Variants in LRRC28 observed in about 807,000 individuals in gnomAD.
LRRC28 encodes leucine rich repeat containing 28, also known as leucine-rich repeat-containing protein 28.
A neutral mutation model predicts 45.7 loss-of-function variants in LRRC28; 39 were observed. The ratio of observed to expected loss-of-function variants is 0.85; its 90% CI spans 0.66 to 1.12. The LOEUF is 1.12. Ranked by LOEUF, LRRC28 falls within the 50% of genes most tolerant of loss-of-function variation. The pLI, the probability that LRRC28 is intolerant of heterozygous loss-of-function variation, is 0.00. For missense variants in LRRC28, 435 were observed against 438.5 expected, an observed-to-expected ratio of 0.99 and a Z score of 0.07; for synonymous variants, 206 against 178.8, an observed-to-expected ratio of 1.15 and a Z score of -1.22.
chr15:99,331,159 T>C (rs1003297819), intron 5 of LRRC28, among the ~76,000 whole-genome samples: 1 of 152,218 alleles, frequency 6.6e-6, no homozygotes, highest in Non-Finnish European at 1.5e-5. Context: ...AAAACACTTT[T>C]TTGCACATTT....
intron 2 of LRRC28, among the ~76,000 whole-genome samples, chr15:99,264,324 A>G (rs1323353275): frequency 6.6e-6 from 1 of 152,228 alleles, no homozygotes; most frequent in South Asian, 2.1e-4. Flanking sequence ...AAGGAAAGGA[A>G]TGTGGAACAG....
chr15:99,382,242 C>A (rs2152561353), intron 9 of LRRC28, among the ~76,000 whole-genome samples: 1 of 152,344 alleles, frequency 6.6e-6, no homozygotes, highest in African/African-American at 2.4e-5. Context: ...GGGTGCCCCT[C>A]CCCCAGCCTC....
At chr15:99,320,378 T>C (rs1469821341) in intron 5 of LRRC28, among the ~76,000 whole-genome samples, 1 of 152,104 alleles carries the variant, frequency 6.6e-6, no homozygotes, top group African/African-American at 2.4e-5. Flanking sequence ...ATATGGACAG[T>C]TGTGTCCTAT....
intron 1 of LRRC28, among the ~76,000 whole-genome samples, chr15:99,252,646 A>G (rs1489268651): frequency 6.6e-6 from 1 of 152,250 alleles, no homozygotes; most frequent in Non-Finnish European, 1.5e-5. Flanking sequence ...TGTAAAGATT[A>G]GACATCCTTG....
intron 2 of LRRC28, among the ~76,000 whole-genome samples, chr15:99,275,787 T>G (rs939567417): frequency 3.3e-5 from 5 of 152,190 alleles, no homozygotes. Context: ...TCTCTGTGTC[T>G]GTGAAGCACA....
chr15:99,266,371 T>C (rs2081332562), intron 2 of LRRC28, among the ~76,000 whole-genome samples: 1 of 151,960 alleles, frequency 6.6e-6, no homozygotes, highest in Admixed American at 6.5e-5. Flanking sequence ...GATGAACACC[T>C]AGCCAGGCAT....
In LRRC28 at chr15:99,389,622, CTCTT is replaced by C. The variant is rs1185852293; in HGVS notation, c.*3522_*3525del. 1.3e-5 allele frequency: 2 copies of C among 152,152 alleles called. No individual in the cohort carries two copies. Among genetic ancestry groups the C allele is most frequent in the African/African-American group, 2.4e-5 (1 of 41,426 alleles). The allele number at this position is 152,152 out of a possible 1,614,324, so 9.4% of individuals were successfully genotyped here. A position where few individuals can be genotyped will look rare whatever the true frequency, so the allele number is the denominator to read the frequency against. ...CATTTCACAGACTCATAAACACACT[CTCTT>C]TAAGACTCTTCTTTAAATGGATCCT... On this transcript the variant is annotated 3_prime_UTR_variant, in exon 10 of 10. Coordinates refer to ENST00000301981, the MANE Select transcript of LRRC28 (RefSeq NM_144598.5).
chr15:99,252,655 T>A (rs1216415457), intron 1 of LRRC28, among the ~76,000 whole-genome samples: 2 of 152,238 alleles, frequency 1.3e-5, no homozygotes, highest in Non-Finnish European at 2.9e-5. Flanking sequence ...TAGACATCCT[T>A]GTGGCATGTA....
intron 2 of LRRC28, among the ~76,000 whole-genome samples, chr15:99,265,315 A>G (rs938510524): frequency 9.9e-5 from 15 of 152,116 alleles, no homozygotes; most frequent in Non-Finnish European, 1.5e-4. Flanking sequence ...CAAGAGAGTG[A>G]TATAACATGA....
At chr15:99,293,453 C>T (rs1197866320) in intron 5 of LRRC28, among the ~76,000 whole-genome samples, 5 of 151,546 alleles carry the variant, frequency 3.3e-5, no homozygotes, top group Non-Finnish European at 5.9e-5. Context: ...ATTAGCCAGG[C>T]GTGGTGGCGC....
intron 5 of LRRC28, among the ~76,000 whole-genome samples, chr15:99,301,889 G>T (rs1169001775): frequency 6.6e-6 from 1 of 151,550 alleles, no homozygotes; most frequent in African/African-American, 2.4e-5. Flanking sequence ...TATCCCCAGG[G>T]CATTATCTAT....
chr15:99,375,015 G>C (rs1232595607), intron 9 of LRRC28, among the ~76,000 whole-genome samples: 7 of 152,146 alleles, frequency 4.6e-5, no homozygotes, highest in Non-Finnish European at 7.3e-5. Context: ...TCACTGTTAA[G>C]TATAATGTGT....
intron 5 of LRRC28, among the ~76,000 whole-genome samples, chr15:99,314,437 C>CTAAATAAA (rs71922869): frequency 0.039 from 5,006 of 127,742 alleles, 124 homozygotes; most frequent in African/African-American, 0.073. Context: ...GACCTTGTCT[C>CTAAATAAA]TAAATAAATA....
intron 5 of LRRC28, among the ~76,000 whole-genome samples, chr15:99,332,981 G>C (rs1597366641): frequency 6.6e-6 from 1 of 152,182 alleles, no homozygotes; most frequent in East Asian, 1.9e-4. Flanking sequence ...ATGAGAGAAG[G>C]CAAGAGATAG....
At chr15:99,338,911 C>G (rs142183608) in intron 6 of LRRC28, among the ~76,000 whole-genome samples, 156 of 152,260 alleles carry the variant, frequency 1.0e-3, no homozygotes, top group African/African-American at 3.6e-3. Context: ...AAAGGATGTT[C>G]CTATTATTAC....
chr15:99,376,765 A>C (rs558494418), intron 9 of LRRC28, among the ~76,000 whole-genome samples: 5 of 151,970 alleles, frequency 3.3e-5, no homozygotes, highest in African/African-American at 1.2e-4. Context: ...TCATTGTTCA[A>C]TTCCCACCTA....
chr15:99,292,429 A>G (rs962501861), intron 5 of LRRC28, among the ~76,000 whole-genome samples: 8 of 148,282 alleles, frequency 5.4e-5, no homozygotes, highest in Non-Finnish European at 7.4e-5. Flanking sequence ...CAGTGGTGCA[A>G]TCTCGGCTCA....
At chr15:99,374,948 T>G (rs1475149623) in intron 9 of LRRC28, among the ~76,000 whole-genome samples, 1 of 152,154 alleles carries the variant, frequency 6.6e-6, no homozygotes, top group Non-Finnish European at 1.5e-5. Context: ...ATTACAGGCA[T>G]GAGCCACCGC....
At chr15:99,371,190 C>T (rs1422131163) in intron 9 of LRRC28, among the ~76,000 whole-genome samples, 3 of 152,170 alleles carry the variant, frequency 2.0e-5, no homozygotes, top group African/African-American at 4.8e-5. Context: ...AAGACTCATC[C>T]TCTTGTTTAT....
Sources: gnomAD v4.1 joint callset for allele counts (sites outside exome capture counted in the v4.1 genomes callset) on GRCh38, gnomAD v4.1.1 for gene constraint, MANE v1.5 for transcripts, NCBI Gene and HGNC (gene_info 2026-07-23, HGNC 2026-07-21) for gene names.